ANKRD24: variants seen among roughly 807,000 people sequenced by gnomAD.
ANKRD24 encodes ankyrin repeat domain 24.
Under a neutral mutation model 127.8 loss-of-function variants are expected in ANKRD24, and 109 were observed. The observed-to-expected ratio is 0.85, with a 90% CI of 0.73 to 1.00. The LOEUF (loss-of-function observed/expected upper bound fraction) is 1.00. Ranked by LOEUF, ANKRD24 falls within the 50% of genes least tolerant of loss-of-function variation. ANKRD24 has a pLI of 0.00. For missense variants in ANKRD24, 1,648 were observed against 1,570.2 expected, an observed-to-expected ratio of 1.05 and a Z score of -0.84; for synonymous variants, 743 against 671.1, an observed-to-expected ratio of 1.11 and a Z score of -1.66.
chr19:4,216,480 C>T (rs1246471626), intron 17 of ANKRD24, 70 bp from the exon 18 acceptor site: 7 of 1,556,076 alleles, frequency 4.5e-6, no homozygotes, highest in South Asian at 1.2e-5. Context: ...GGGAAGGTGG[C>T]AAGGCTGCCC....
chr19:4,224,649 G>A lies in ANKRD24; in HGVS notation c.*144G>A, dbSNP rs751423509. On this transcript the variant is annotated 3_prime_UTR_variant, in exon 22 of 22. Transcript: ENST00000318934. ...TGGAGACCAGCCTGGTTCCCTGCCCGACCACCCCCAGCTGGCTCCATCACC... is the reference window on the plus strand; with the variant it reads ...TGGAGACCAGCCTGGTTCCCTGCCCAACCACCCCCAGCTGGCTCCATCACC... 16 of 762,044 alleles carry A rather than the reference G, an allele frequency of 2.1e-5. No individual in the cohort carries two copies. Among genetic ancestry groups the A allele is most frequent in the South Asian group, 8.3e-5 (5 of 59,900 alleles). The allele number at this position is 762,044 out of a possible 1,614,324, so 47.2% of individuals were successfully genotyped here.
In ANKRD24 at chr19:4,195,402, G is replaced by A. The variant is rs74172629; in HGVS notation, c.37-4281G>A. Among the ~76,000 whole-genome samples the A allele has an allele frequency of 0.031, 4,752 of 152,186 alleles. 104 individuals carry two copies. Among genetic ancestry groups the A allele is most frequent in the Non-Finnish European group, 0.045 (3,036 of 68,006 alleles). The stretch of plus-strand genomic sequence containing the variant: ...TGCTCTGATCTTGTATGGCATCCAG[G>A]AGGACAAGTGTAGGAGACAGTTGGA... On this transcript the variant is annotated intron_variant, in intron 2 of 21. Coordinates refer to ENST00000318934, the MANE Select transcript of ANKRD24 (RefSeq NM_001393985.1). This position sits in a 1 kb window ranked among gnomAD's most constrained non-coding sequence, Gnocchi z 4.2.
chr19:4,224,131 C>G lies in ANKRD24; in HGVS notation c.3302C>G (p.Ala1101Gly). The change falls in exon 21 of 22, where the codon GCT becomes GGT. Residue 1101 changes from alanine to glycine, a missense_variant. By Grantham distance (60) the Ala-to-Gly change is moderately conservative (BLOSUM62 0). Transcript: ENST00000318934. ...GCCCCTTCCTCATGCCCACAGGAAG[C>G]TGCCAGGGACCACTCCAGCGTGGTG... Reference protein sequence around the residue: ...VKDLQQQLQEAARDHSSVVAL... With the variant: ...VKDLQQQLQEGARDHSSVVAL... 1 of 1,612,716 alleles carries G rather than the reference C, an allele frequency of 6.2e-7. No homozygotes were observed. The highest frequency in any genetic ancestry group is 1.1e-5 in the South Asian group (1 of 90,946).
chr19:4,218,124 G>A lies in ANKRD24; in HGVS notation c.2964G>A (p.Leu988=), dbSNP rs1467151354. The A allele has an allele frequency of 6.5e-7, 1 of 1,539,044 alleles. No homozygotes were observed. Among genetic ancestry groups the A allele is most frequent in the Admixed American group, 2.0e-5 (1 of 49,904 alleles). Residue 988 remains leucine, a synonymous_variant, in exon 18 of 22, where the codon CTG becomes CTA. Coordinates refer to ENST00000318934, the MANE Select transcript of ANKRD24 (RefSeq NM_001393985.1). Reference sequence around the variant, plus strand: ...AGCTGGAGGGGCAGCTGGAGGAGCTGGGACGGCGGCATGAGAAGACCAGCG... The same window carrying A: ...AGCTGGAGGGGCAGCTGGAGGAGCTAGGACGGCGGCATGAGAAGACCAGCG... ...VAQLEGQLEE[L]GRRHEKTSAE...
chr19:4,183,152 T>C (rs906965785), intron 1 of ANKRD24, among the ~76,000 whole-genome samples: 6 of 152,094 alleles, frequency 3.9e-5, no homozygotes, highest in Non-Finnish European at 7.3e-5. Context: ...CAAATTTTTG[T>C]ATTTTTTAGT....
At chr19:4,200,240 A>G in intron 5 of ANKRD24, 69 bp downstream of exon 5, 1 of 1,453,630 alleles carries the variant, frequency 6.9e-7, no homozygotes, top group Non-Finnish European at 9.3e-7. Flanking sequence ...GGGTCCAGCC[A>G]GACCCTGCTC....
chr19:4,192,707 G>C (rs1968453810), intron 2 of ANKRD24, among the ~76,000 whole-genome samples: 1 of 151,414 alleles, frequency 6.6e-6, no homozygotes, highest in African/African-American at 2.4e-5. Context: ...AAGATGGGAG[G>C]ATCACTTAAG....
chr19:4,208,140 G>A (rs1194262616), intron 10 of ANKRD24, among the ~76,000 whole-genome samples, 172 bp downstream of exon 10: 1 of 152,096 alleles, frequency 6.6e-6, no homozygotes, highest in African/African-American at 2.4e-5. Context: ...GGCATTTAGA[G>A]TAGTCTGGGA....
chr19:4,183,526 A>C (rs1488603124), intron 1 of ANKRD24: 1 of 217,322 alleles, frequency 4.6e-6, no homozygotes, highest in African/African-American at 2.4e-5. Context: ...TGCAGAGGGC[A>C]CAGGGCAGTG....
chr19:4,202,948 C>T (rs2145299526), intron 7 of ANKRD24, 22 bp downstream of exon 7: 1 of 1,540,650 alleles, frequency 6.5e-7, no homozygotes, highest in Non-Finnish European at 8.8e-7. Context: ...CCAGCCCTGC[C>T]CTGACCCCGA....
chr19:4,196,921 C>T (rs1447917187), intron 2 of ANKRD24, among the ~76,000 whole-genome samples: 8 of 152,070 alleles, frequency 5.3e-5, no homozygotes, highest in African/African-American at 1.9e-4. Flanking sequence ...AGCCGTGGGT[C>T]CCAGGAGTGG....
At chr19:4,208,055 A>AC in intron 10 of ANKRD24, 87 bp downstream of exon 10, 1 of 1,324,898 alleles carries the variant, frequency 7.5e-7, no homozygotes, top group South Asian at 1.8e-5. Context: ...GTTTCAAGGT[A>AC]CCCCCGATTG....
chr19:4,196,351 T>G (rs1411934849), intron 2 of ANKRD24, among the ~76,000 whole-genome samples: 1 of 151,706 alleles, frequency 6.6e-6, no homozygotes, highest in Admixed American at 6.6e-5. Context: ...TTGTTGTTGT[T>G]GTTGTTTTAG....
intron 2 of ANKRD24, among the ~76,000 whole-genome samples, chr19:4,188,737 C>G (rs1599391299): frequency 6.6e-6 from 1 of 151,278 alleles, no homozygotes; most frequent in Non-Finnish European, 1.5e-5. Context: ...TCCCTGGTGT[C>G]CTGGGTGACT....
At chr19:4,213,512 A>ATGG (rs1254771659) in intron 15 of ANKRD24, among the ~76,000 whole-genome samples, 1 of 136,884 alleles carries the variant, frequency 7.3e-6, no homozygotes, top group East Asian at 2.1e-4. Flanking sequence ...CTGGGATGCA[A>ATGG]TGGTGTGATC....
chr19:4,193,250 C>T lies in ANKRD24; in HGVS notation c.37-6433C>T, dbSNP rs1293124370. On this transcript the variant is annotated intron_variant, in intron 2 of 21. Transcript: ENST00000318934. Reference sequence around the variant, plus strand: ...CCGGGAGGCAGGGGTTGCAGTGAGCCGAGATCCCTCCACTGCACTCCAGTC... The same window carrying T: ...CCGGGAGGCAGGGGTTGCAGTGAGCTGAGATCCCTCCACTGCACTCCAGTC... Among the ~76,000 whole-genome samples the T allele has an allele frequency of 3.8e-5, 5 of 130,484 alleles. No homozygotes were observed. In the Admixed American group the frequency reaches 4.4e-4, roughly 11 times the overall value. The allele number at this position is 130,484 out of a possible 152,430, so 85.6% of individuals were successfully genotyped here. A position where few individuals can be genotyped will look rare whatever the true frequency, so the allele number is the denominator to read the frequency against.
chr19:4,220,628 C>T (rs12975843), intron 19 of ANKRD24, among the ~76,000 whole-genome samples: 25,762 of 151,924 alleles, frequency 0.17, 2,513 homozygotes, highest in East Asian at 0.33. Context: ...GATCTTGGCT[C>T]ACTGTAAACT....
chr19:4,194,618 G>A (rs1007399688), intron 2 of ANKRD24, among the ~76,000 whole-genome samples: 3 of 152,188 alleles, frequency 2.0e-5, no homozygotes, highest in Admixed American at 6.6e-5. Flanking sequence ...TAAGCTGAGT[G>A]AGGTCTCTGG....
rs1223887142 is a variant in ANKRD24 at position 4,202,936 on chromosome 19, G to A, written c.466+10G>A. 6.4e-7 allele frequency: 1 copy of A among 1,550,698 alleles called. No individual in the cohort carries two copies. The highest frequency in any genetic ancestry group is 8.7e-7 in the Non-Finnish European group (1 of 1,146,576). On this transcript the variant is annotated intron_variant, in intron 7 of 21. Coordinates refer to ENST00000318934, the MANE Select transcript of ANKRD24 (RefSeq NM_001393985.1). ...GCCCTACACCATGCAGGTGGGTGCA[G>A]CCCAGCCCTGCCCTGACCCCGAAGC...
Sources: gnomAD v4.1 joint callset for allele counts (sites outside exome capture counted in the v4.1 genomes callset) on GRCh38, gnomAD v4.1.1 for gene constraint, Gnocchi (gnomAD v3.1) non-coding constraint, MANE v1.5 for transcripts, NCBI Gene and HGNC (gene_info 2026-07-23, HGNC 2026-07-21) for gene names.